FOXP2: variants seen among roughly 807,000 people sequenced by gnomAD.
The protein encoded by FOXP2 is forkhead box P2.
Under a neutral mutation model 115.8 loss-of-function variants are expected in FOXP2, and 12 were observed. That is an observed-to-expected ratio of 0.10 (90% CI 0.07 to 0.17). The LOEUF (loss-of-function observed/expected upper bound fraction) is 0.17, where lower values mean the gene tolerates loss of function less well. Ranked by LOEUF, FOXP2 falls within the 10% of genes least tolerant of loss-of-function variation. The probability of loss-of-function intolerance (pLI) is 1.00; values close to 1 mark genes in which losing one functional copy is unlikely to be tolerated. For missense variants in FOXP2, 629 were observed against 843.5 expected (o/e 0.75, Z 3.15); for synonymous variants, 328 against 297.7 (o/e 1.10, Z -1.05).
intron 2 of FOXP2, among the ~76,000 whole-genome samples, chr7:114,388,516 C>T (rs1019225197): frequency 5.9e-5 from 9 of 151,952 alleles, no homozygotes; most frequent in Non-Finnish European, 1.3e-4. Flanking sequence ...TGTCTCCTTA[C>T]CACTACTTTG....
intron 1 of FOXP2, among the ~76,000 whole-genome samples, chr7:114,203,283 A>G (rs1794118743): frequency 6.6e-6 from 1 of 152,116 alleles, no homozygotes; most frequent in Non-Finnish European, 1.5e-5. Context: ...TATTCTGTAC[A>G]ATCCAGTGAG....
intron 2 of FOXP2, among the ~76,000 whole-genome samples, chr7:114,399,668 G>A (rs1213178229): frequency 1.3e-5 from 2 of 151,810 alleles, no homozygotes; most frequent in African/African-American, 4.8e-5. Flanking sequence ...CTGACTCTTG[G>A]GGTTTATACT....
intron 16 of FOXP2, among the ~76,000 whole-genome samples, chr7:114,678,545 C>CTATTTTTT (rs1475291523): frequency 2.7e-5 from 2 of 73,266 alleles, no homozygotes; most frequent in African/African-American, 3.6e-5. Flanking sequence ...AAATAAGTGA[C>CTATTTTTT]TCTTTTTTTT....
intron 3 of FOXP2, among the ~76,000 whole-genome samples, chr7:114,595,796 C>T (rs552757849): frequency 2.6e-5 from 4 of 152,038 alleles, no homozygotes; most frequent in South Asian, 4.2e-4. Context: ...AGGGTACAGG[C>T]TGATAGGAGA....
chr7:114,261,596 A>C (rs932760846), intron 1 of FOXP2, among the ~76,000 whole-genome samples: 5 of 152,176 alleles, frequency 3.3e-5, no homozygotes, highest in African/African-American at 9.7e-5. Flanking sequence ...ATGTAAAACA[A>C]ATTATTTCTC....
chr7:114,186,309 GCAC>G (rs1793605981), intron 1 of FOXP2, among the ~76,000 whole-genome samples: 1 of 152,024 alleles, frequency 6.6e-6, no homozygotes, highest in African/African-American at 2.4e-5. Flanking sequence ...GAGACTCAAG[GCAC>G]CATTCATCTT....
At position 114,558,177 on chromosome 7, in the gene FOXP2, AC is replaced by A. The variant is rs1242807924; in HGVS notation, c.258+23472del. On this transcript the variant is annotated intron_variant, in intron 3 of 16. Coordinates refer to ENST00000350908, the MANE Select transcript of FOXP2 (RefSeq NM_014491.4). The stretch of plus-strand genomic sequence containing the variant: ...AAGAAAGAATATTAAGTAATAAAAC[AC>A]GTATGAAGTCATGGGGTATCAACTG... Among the ~76,000 whole-genome samples the A allele has an allele frequency of 1.2e-4, 19 of 152,304 alleles. No homozygotes were observed. In the East Asian group the frequency reaches 2.9e-3, roughly 23 times the overall value.
At chr7:114,417,107 A>G (rs1793383430) in intron 1 of FOXP2, among the ~76,000 whole-genome samples, 1 of 151,948 alleles carries the variant, frequency 6.6e-6, no homozygotes, top group Non-Finnish European at 1.5e-5. Flanking sequence ...TTGTGCTGGA[A>G]TGTGGAATGC....
chr7:114,524,463 A>G (rs1798767212), intron 2 of FOXP2, among the ~76,000 whole-genome samples: 1 of 152,044 alleles, frequency 6.6e-6, no homozygotes, highest in South Asian at 2.1e-4. Context: ...CCCTTCAGTT[A>G]TATAATTTTC....
chr7:114,581,149 GTTTATTTATTTATTTATTTA>G (rs10585289), intron 3 of FOXP2, among the ~76,000 whole-genome samples: 6 of 134,976 alleles, frequency 4.4e-5, no homozygotes, highest in African/African-American at 1.1e-4. Flanking sequence ...ATCTTCTTCC[GTTTATTTATTTATTTATTTA>G]TTTATTTATT....
chr7:114,688,241 A>ACACC (rs1808475354), intron 16 of FOXP2, among the ~76,000 whole-genome samples: 1 of 79,314 alleles, frequency 1.3e-5, no homozygotes, highest in South Asian at 4.4e-4. Flanking sequence ...ACACACACAC[A>ACACC]CACACATCTT....
At chr7:114,574,990 G>A (rs887608939) in intron 3 of FOXP2, among the ~76,000 whole-genome samples, 1 of 151,826 alleles carries the variant, frequency 6.6e-6, no homozygotes, top group Non-Finnish European at 1.5e-5. Flanking sequence ...ATTTTTAATG[G>A]GGATGCTGGG....
intron 1 of FOXP2, among the ~76,000 whole-genome samples, chr7:114,271,771 ATTAT>A (rs1261237378): frequency 8.4e-6 from 1 of 118,402 alleles, no homozygotes; most frequent in Non-Finnish European, 1.6e-5. Context: ...TATTTAATAT[ATTAT>A]TTATATATAA....
intron 3 of FOXP2, among the ~76,000 whole-genome samples, chr7:114,602,533 G>C (rs1269977292): frequency 6.6e-6 from 1 of 151,942 alleles, no homozygotes; most frequent in Non-Finnish European, 1.5e-5. Context: ...AGGAATATTT[G>C]CTACAGTTTT....
chr7:114,319,724 G>A (rs186477674), intron 2 of FOXP2, among the ~76,000 whole-genome samples: 122 of 152,256 alleles, frequency 8.0e-4, no homozygotes, highest in Middle Eastern at 3.4e-3. Context: ...TTTGGATGGG[G>A]ACACACAGCC....
chr7:114,283,826 G>A (rs1433420441), intron 1 of FOXP2, among the ~76,000 whole-genome samples: 2 of 152,004 alleles, frequency 1.3e-5, no homozygotes, highest in Non-Finnish European at 2.9e-5. Context: ...ACTCAGGTGT[G>A]TGGCTCACAC....
rs1797196730 is a variant in FOXP2, at chr7:114,313,505, G to A, written c.-11+25396G>A. Among the ~76,000 whole-genome samples the A allele has an allele frequency of 5.6e-5, 3 of 53,994 alleles. 1 individual carries two copies. The South Asian group carries it at 1.3e-3, about 24-fold the overall frequency. The allele number at this position is 53,994 out of a possible 152,430, so 35.4% of individuals were successfully genotyped here. On this transcript the variant is annotated intron_variant, in intron 2 of 17. Transcript: ENST00000634411. ...TCACGCCTGTAATCCCAGCACTTTGGGAGGCCGAGGCGGGCGGATCACGAG... is the reference window on the plus strand; with the variant it reads ...TCACGCCTGTAATCCCAGCACTTTGAGAGGCCGAGGCGGGCGGATCACGAG...
At chr7:114,669,318 T>A (rs1276825261) in intron 16 of FOXP2, 1 of 152,088 alleles carries the variant, frequency 6.6e-6, no homozygotes, top group Non-Finnish European at 1.5e-5. Flanking sequence ...TTCTACATAA[T>A]AATTTTTTGA....
At position 114,643,311 on chromosome 7, in the gene FOXP2, A is replaced by C. The variant is rs1805686223; in HGVS notation, c.989+688A>C. Among the ~76,000 whole-genome samples, 9 of 152,300 alleles carry C rather than the reference A, an allele frequency of 5.9e-5. No individual in the cohort carries two copies. In the South Asian group the frequency reaches 1.7e-3, roughly 28 times the overall value. ...ATCAGTTCTTTAATTTCAAATAATT[A>C]AAGATGCATGGATATCTCTCTTATA... On this transcript the variant is annotated intron_variant, in intron 7 of 16. Coordinates refer to ENST00000350908, the MANE Select transcript of FOXP2 (RefSeq NM_014491.4).
Sources: allele counts gnomAD v4.1 joint callset (sites outside exome capture counted in the v4.1 genomes callset), GRCh38; gene constraint gnomAD v4.1.1; transcripts MANE v1.5; gene names NCBI Gene and HGNC (gene_info 2026-07-23, HGNC 2026-07-21).